GNA14: variants seen among roughly 807,000 people sequenced by gnomAD.
GNA14 encodes guanine nucleotide-binding protein subunit alpha-14.
Under a neutral mutation model 42.0 loss-of-function variants are expected in GNA14, and 50 were observed. The ratio of observed to expected loss-of-function variants is 1.19; its 90% CI spans 0.95 to 1.51. GNA14 has a LOEUF of 1.51. Ranked by LOEUF, GNA14 falls within the 40% of genes most tolerant of loss-of-function variation. GNA14 has a pLI of 0.00. For missense variants in GNA14, 473 were observed against 446.2 expected (o/e 1.06, Z -0.54); for synonymous variants, 173 against 163.1 (o/e 1.06, Z -0.46).
rs896548888 is a variant in GNA14, at chr9:77,631,857, T to G, written c.124+15813A>C. On this transcript the variant is annotated intron_variant, in intron 1 of 6. Transcript: ENST00000341700. ...GCCGGCTGCAGCAGGAAAGCGTGGC[T>G]GGGGCTGCATGTTCCATGGAGCTGG... Among the ~76,000 whole-genome samples the G allele has an allele frequency of 2.6e-5, 4 of 152,146 alleles. 1 individual carries two copies. Among genetic ancestry groups the G allele is most frequent in the African/African-American group, 9.7e-5 (4 of 41,434 alleles).
intron 1 of GNA14, among the ~76,000 whole-genome samples, chr9:77,621,885 G>A (rs997839417): frequency 2.0e-5 from 3 of 152,162 alleles, no homozygotes; most frequent in Non-Finnish European, 4.4e-5. Flanking sequence ...TTTATGACTA[G>A]TGCTTTATAT....
intron 1 of GNA14, among the ~76,000 whole-genome samples, chr9:77,604,270 G>A (rs1047912569): frequency 2.0e-5 from 3 of 152,172 alleles, no homozygotes; most frequent in Non-Finnish European, 2.9e-5. Flanking sequence ...CTCACAGACT[G>A]ACAGTCCTGT....
chr9:77,478,368 T>C (rs1405815846), intron 2 of GNA14, among the ~76,000 whole-genome samples: 1 of 152,220 alleles, frequency 6.6e-6, no homozygotes, highest in East Asian at 1.9e-4. Flanking sequence ...CAACATTTTT[T>C]ATGGCTGCAT....
At chr9:77,426,075 G>A (rs943768545) in intron 5 of GNA14, among the ~76,000 whole-genome samples, 2 of 152,188 alleles carry the variant, frequency 1.3e-5, no homozygotes, top group Non-Finnish European at 2.9e-5. Flanking sequence ...GGATTACTAA[G>A]TGGGGAAGTG....
chr9:77,479,953 G>C (rs1587788291), intron 2 of GNA14, among the ~76,000 whole-genome samples: 1 of 152,268 alleles, frequency 6.6e-6, no homozygotes, highest in East Asian at 1.9e-4. Context: ...ATTTTGGGCT[G>C]AAATGATGGG....
At position 77,647,974 on chromosome 9, in the gene GNA14, G is replaced by A; in HGVS notation, c.-181C>T. On this transcript the variant is annotated 5_prime_UTR_variant, in exon 1 of 7. Coordinates refer to ENST00000341700, the MANE Select transcript of GNA14 (RefSeq NM_004297.4). ...GAGGCTCAATCCCCCTTCGAAAGTC[G>A]GCTCTGAGGCGGGGTGAATGCCGAG... 1.5e-6 allele frequency: 1 copy of A among 668,886 alleles called. No individual in the cohort carries two copies. Among genetic ancestry groups the A allele is most frequent in the Non-Finnish European group, 2.4e-6 (1 of 412,714 alleles). The allele number at this position is 668,886 out of a possible 1,614,324, so 41.4% of individuals were successfully genotyped here.
chr9:77,478,170 C>G (rs1836467811), intron 2 of GNA14, among the ~76,000 whole-genome samples: 1 of 151,388 alleles, frequency 6.6e-6, no homozygotes, highest in African/African-American at 2.4e-5. Context: ...AATGCTATCC[C>G]TCCCTCCTCC....
chr9:77,645,171 G>A (rs1824333993), intron 1 of GNA14, among the ~76,000 whole-genome samples: 1 of 152,212 alleles, frequency 6.6e-6, no homozygotes, highest in African/African-American at 2.4e-5. Flanking sequence ...AAGAGATGGT[G>A]TCTTTGGGGG....
intron 2 of GNA14, among the ~76,000 whole-genome samples, chr9:77,469,774 G>T (rs1836296884): frequency 6.6e-6 from 1 of 152,152 alleles, no homozygotes; most frequent in South Asian, 2.1e-4. Context: ...GTCTTGGCAT[G>T]GTTGGTTCTG....
intron 1 of GNA14, among the ~76,000 whole-genome samples, chr9:77,537,196 G>A (rs2131774000): frequency 6.6e-6 from 1 of 152,078 alleles, no homozygotes; most frequent in African/African-American, 2.4e-5. Context: ...CTGTATGCTT[G>A]TACCCACTAA....
chr9:77,550,995 C>T (rs930888970), intron 1 of GNA14, among the ~76,000 whole-genome samples: 1 of 152,148 alleles, frequency 6.6e-6, no homozygotes, highest in Non-Finnish European at 1.5e-5. Flanking sequence ...TCTGATTTTC[C>T]TGATGAGGAA....
chr9:77,449,751 G>C (rs1171855265), intron 2 of GNA14, among the ~76,000 whole-genome samples: 1 of 152,240 alleles, frequency 6.6e-6, no homozygotes, highest in Admixed American at 6.5e-5. Context: ...GGGAATGTTA[G>C]ATTCATTAGT....
intron 1 of GNA14, among the ~76,000 whole-genome samples, chr9:77,534,985 A>T (rs555809202): frequency 2.6e-4 from 40 of 152,356 alleles, no homozygotes; most frequent in African/African-American, 9.6e-4. Context: ...ACTTGAGGCC[A>T]GGTGCCAGCA....
At chr9:77,507,350 G>A (rs968491802) in intron 2 of GNA14, among the ~76,000 whole-genome samples, 1 of 152,180 alleles carries the variant, frequency 6.6e-6, no homozygotes, top group Non-Finnish European at 1.5e-5. Context: ...TCAAAAGGAA[G>A]TTATTTCCCC....
At chr9:77,550,572 A>AAC in intron 1 of GNA14, among the ~76,000 whole-genome samples, 1 of 152,236 alleles carries the variant, frequency 6.6e-6, no homozygotes, top group East Asian at 1.9e-4. Context: ...CTAGGTTCAA[A>AAC]ACACACTCAT....
intron 1 of GNA14, among the ~76,000 whole-genome samples, chr9:77,555,688 T>C (rs1822763234): frequency 6.6e-6 from 1 of 152,216 alleles, no homozygotes; most frequent in South Asian, 2.1e-4. Flanking sequence ...AAAAGTGGCA[T>C]GGCCTCATTT....
At chr9:77,522,724 C>T (rs940202039) in intron 2 of GNA14, among the ~76,000 whole-genome samples, 1 of 152,164 alleles carries the variant, frequency 6.6e-6, no homozygotes, top group Non-Finnish European at 1.5e-5. Context: ...TAACTCTGAG[C>T]CTGTGGGGGT....
chr9:77,502,526 C>T (rs1409176858), intron 2 of GNA14, among the ~76,000 whole-genome samples: 1 of 152,132 alleles, frequency 6.6e-6, no homozygotes, highest in African/African-American at 2.4e-5. Context: ...ACTGAGACCT[C>T]CCTGCTGGGA....
At chr9:77,625,921 A>G (rs1428525638) in intron 1 of GNA14, among the ~76,000 whole-genome samples, 1 of 152,228 alleles carries the variant, frequency 6.6e-6, no homozygotes, top group Non-Finnish European at 1.5e-5. Context: ...AAATGCCCCA[A>G]TTAAAAGACA....
Sources: allele counts gnomAD v4.1 joint callset (sites outside exome capture counted in the v4.1 genomes callset), GRCh38; gene constraint gnomAD v4.1.1; transcripts MANE v1.5; gene names NCBI Gene and HGNC (gene_info 2026-07-23, HGNC 2026-07-21).